Variants in RASA3 observed in about 807,000 individuals in gnomAD.
RASA3 encodes RAS p21 protein activator 3, also known as ras GTPase-activating protein 3.
Under a neutral mutation model 110.0 loss-of-function variants are expected in RASA3, and 73 were observed. The ratio of observed to expected loss-of-function variants is 0.66; its 90% CI spans 0.55 to 0.81. RASA3 has a LOEUF of 0.81. RASA3 is among the 30% of genes least tolerant of loss of function. The pLI is 0.00. For missense variants in RASA3, 976 were observed against 1,113.2 expected (o/e 0.88, Z 1.75); for synonymous variants, 500 against 451.4 (o/e 1.11, Z -1.37).
In RASA3 at chr13:114,078,053, G is replaced by A. The variant is rs60066966; in HGVS notation, c.56-4216C>T. The stretch of plus-strand genomic sequence containing the variant: ...TTGCTATGACGACAGCAACACCAGG[G>A]AGCCTGCTGGACGCACCAACATCCA... On this transcript the variant is annotated intron_variant, in intron 1 of 23. Coordinates refer to ENST00000334062, the MANE Select transcript of RASA3 (RefSeq NM_007368.4). The A allele has an allele frequency of 3.4e-3, 3,268 of 949,944 alleles. 74 individuals are homozygous for A. The African/African-American group carries it at 0.054, about 16-fold the overall frequency. 58.8% of individuals were successfully genotyped at this position (949,944 alleles called of 1,614,324 possible).
intron 22 of RASA3, among the ~76,000 whole-genome samples, chr13:113,991,491 C>G (rs1389168552): frequency 6.6e-6 from 1 of 152,238 alleles, no homozygotes; most frequent in East Asian, 1.9e-4. Context: ...CCGAGTTCTA[C>G]CAGACACTGG....
chr13:114,015,011 C>T (rs1007395101), intron 14 of RASA3, among the ~76,000 whole-genome samples, 198 bp downstream of exon 14: 3 of 152,066 alleles, frequency 2.0e-5, no homozygotes, highest in African/African-American at 4.8e-5. Flanking sequence ...GCTGGGGTCC[C>T]CCAGAGACCA....
intron 1 of RASA3, among the ~76,000 whole-genome samples, chr13:114,128,120 A>C (rs1185836411): frequency 6.6e-6 from 1 of 152,218 alleles, no homozygotes; most frequent in Non-Finnish European, 1.5e-5. Flanking sequence ...TCGGTTAATA[A>C]AATATCCAAG....
At chr13:114,013,903 TTTCTCTG>T (rs2053720179) in intron 14 of RASA3, among the ~76,000 whole-genome samples, 1 of 122,652 alleles carries the variant, frequency 8.2e-6, no homozygotes, top group African/African-American at 3.1e-5. Flanking sequence ...TTTTTCTCTC[TTTCTCTG>T]TCTCTCTCTC....
At chr13:114,024,204 G>T in intron 8 of RASA3, 75 bp downstream of exon 8, 2 of 1,348,732 alleles carry the variant, frequency 1.5e-6, no homozygotes, top group Non-Finnish European at 2.1e-6. Context: ...CCTATATTTA[G>T]TAACAAAGAA....
intron 2 of RASA3, among the ~76,000 whole-genome samples, chr13:114,058,549 G>A (rs1224318597): frequency 6.6e-6 from 1 of 152,240 alleles, no homozygotes; most frequent in Non-Finnish European, 1.5e-5. Flanking sequence ...CCACTTGAGG[G>A]TCCAGACCTG....
chr13:114,132,412 C>T lies in RASA3; in HGVS notation c.55+23G>A, dbSNP rs752292292. 10 of 1,508,726 alleles carry T rather than the reference C, an allele frequency of 6.6e-6. No homozygotes were observed. The African/African-American group carries it at 7.2e-5, about 11-fold the overall frequency. 93.5% of individuals were successfully genotyped at this position (1,508,726 alleles called of 1,614,324 possible). Reference sequence around the variant, plus strand: ...CAGGGTCGGGCCGGGGGGTCGGACGCGTGGCTGCCGGCGGACACTCACCGA... The same window carrying T: ...CAGGGTCGGGCCGGGGGGTCGGACGTGTGGCTGCCGGCGGACACTCACCGA... On this transcript the variant is annotated intron_variant, in intron 1 of 23. Coordinates refer to ENST00000334062, the MANE Select transcript of RASA3 (RefSeq NM_007368.4).
chr13:114,029,542 G>A, intron 5 of RASA3, among the ~76,000 whole-genome samples: 1 of 137,152 alleles, frequency 7.3e-6, no homozygotes, highest in Non-Finnish European at 1.6e-5. Flanking sequence ...TGGGGGCCAG[G>A]ACCTCTAAAA....
chr13:113,996,351 C>A (rs529208258), intron 21 of RASA3, among the ~76,000 whole-genome samples, 180 bp downstream of exon 21: 3 of 152,272 alleles, frequency 2.0e-5, no homozygotes, highest in South Asian at 4.1e-4. Flanking sequence ...GAGGCTGGGC[C>A]CCAGATGCTC....
chr13:114,130,568 C>G (rs547755717), intron 1 of RASA3, among the ~76,000 whole-genome samples: 2 of 151,950 alleles, frequency 1.3e-5, no homozygotes, highest in Admixed American at 1.3e-4. Context: ...GCCGAGTGCC[C>G]GCAGGCCGGT....
intron 2 of RASA3, among the ~76,000 whole-genome samples, chr13:114,063,359 CAT>C (rs1398709490): frequency 6.7e-6 from 1 of 149,658 alleles, no homozygotes; most frequent in Non-Finnish European, 1.5e-5. Flanking sequence ...ACATTTATAA[CAT>C]AAATACAATA....
chr13:114,042,582 G>A (rs948178072), intron 3 of RASA3, among the ~76,000 whole-genome samples: 6 of 152,256 alleles, frequency 3.9e-5, no homozygotes, highest in Admixed American at 2.0e-4. Context: ...CAGGGTCTGA[G>A]CACATTGTGC....
intron 5 of RASA3, among the ~76,000 whole-genome samples, chr13:114,028,133 C>G (rs1385870494): frequency 6.6e-6 from 1 of 151,710 alleles, no homozygotes; most frequent in Non-Finnish European, 1.5e-5. Flanking sequence ...AACAACACCT[C>G]TAAGGTGAGC....
intron 1 of RASA3, among the ~76,000 whole-genome samples, chr13:114,132,059 G>A (rs55860328): frequency 0.53 from 81,140 of 152,144 alleles, 24,608 homozygotes; most frequent in Non-Finnish European, 0.69. Flanking sequence ...TGAAGTGCAG[G>A]CGCCCAGACA....
At chr13:114,075,112 A>C (rs1263577401) in intron 1 of RASA3, among the ~76,000 whole-genome samples, 1 of 151,550 alleles carries the variant, frequency 6.6e-6, no homozygotes, top group Non-Finnish European at 1.5e-5. Flanking sequence ...CCACGCTGAG[A>C]CCACACCAAG....
At chr13:114,027,064 T>C (rs1394020793) in intron 7 of RASA3, among the ~76,000 whole-genome samples, 1 of 152,256 alleles carries the variant, frequency 6.6e-6, no homozygotes, top group African/African-American at 2.4e-5. Flanking sequence ...AAAGCATTAA[T>C]CTGTCATCTT....
At chr13:113,997,807 C>T (rs2053289896) in intron 20 of RASA3, among the ~76,000 whole-genome samples, 1 of 152,164 alleles carries the variant, frequency 6.6e-6, no homozygotes. Flanking sequence ...CTTCTGCACT[C>T]ATCTGGGGAG....
At chr13:114,016,773 T>C (rs907951734) in intron 12 of RASA3, among the ~76,000 whole-genome samples, 2 of 152,186 alleles carry the variant, frequency 1.3e-5, no homozygotes, top group African/African-American at 4.8e-5. Context: ...TTCTCACATT[T>C]GCAAAGAACC....
intron 4 of RASA3, among the ~76,000 whole-genome samples, chr13:114,033,614 C>T (rs1443122597): frequency 5.4e-5 from 8 of 148,020 alleles, no homozygotes; most frequent in African/African-American, 1.8e-4. Context: ...CACTTGACAC[C>T]ACGCCCCACG....
Sources: allele counts gnomAD v4.1 joint callset (sites outside exome capture counted in the v4.1 genomes callset), GRCh38; gene constraint gnomAD v4.1.1; transcripts MANE v1.5; gene names NCBI Gene and HGNC (gene_info 2026-07-23, HGNC 2026-07-21).